Variants in SLC35F5 observed in about 807,000 individuals in gnomAD.
SLC35F5 encodes the protein HCV NS5A-transactivated protein 3.
In SLC35F5, 54 loss-of-function variants were observed where a neutral mutation model predicts 68.6. The observed-to-expected ratio is 0.79, with a 90% CI of 0.63 to 0.99. The LOEUF is 0.99. SLC35F5 is among the 50% of genes least tolerant of loss of function. The pLI, the probability that SLC35F5 is intolerant of heterozygous loss-of-function variation, is 0.00. For missense variants in SLC35F5, 567 were observed against 626.9 expected (o/e 0.90, Z 1.02); for synonymous variants, 211 against 205.2 (o/e 1.03, Z -0.24).
At chr2:113,742,630 T>C in intron 7 of SLC35F5, 62 bp downstream of exon 7, 1 of 1,502,644 alleles carries the variant, frequency 6.7e-7, no homozygotes, top group Non-Finnish European at 9.2e-7. Flanking sequence ...ATTGTTGGTA[T>C]GTATACAGTC....
At position 113,719,141 on chromosome 2, in the gene SLC35F5, G is replaced by C; in HGVS notation, c.1496+13C>G. 1 of 1,600,550 alleles carries C rather than the reference G, an allele frequency of 6.2e-7. No individual in the cohort carries two copies. The highest frequency in any genetic ancestry group is 8.5e-7 in the Non-Finnish European group (1 of 1,176,698). ...ACACTATTTTTAAAAATGTGTATTGGGACTAAACTTACCTCTGAATTCGAT... is the reference window on the plus strand; with the variant it reads ...ACACTATTTTTAAAAATGTGTATTGCGACTAAACTTACCTCTGAATTCGAT... On this transcript the variant is annotated intron_variant, in intron 14 of 15. Transcript: ENST00000245680.
At chr2:113,706,474 T>C (rs1052774021), downstream of SLC35F5, among the ~76,000 whole-genome samples, 2 of 152,120 alleles carry the variant, frequency 1.3e-5, no homozygotes, top group African/African-American at 2.4e-5. Flanking sequence ...TATTCCAATT[T>C]TGGAGGAAAA....
rs990719240 is a variant in SLC35F5 at position 113,713,392 on chromosome 2, C to A, written c.*1826G>T. On this transcript the variant is annotated 3_prime_UTR_variant, in exon 16 of 16. Coordinates refer to ENST00000245680, the MANE Select transcript of SLC35F5 (RefSeq NM_025181.5). ...AACAACCAAAAGATTCTAAGCTCAG[C>A]CTCTTTCCCTATAGTATTTACAGAA... 3 of 151,814 alleles carry A rather than the reference C, an allele frequency of 2.0e-5. No individual in the cohort carries two copies. The highest frequency in any genetic ancestry group is 4.4e-5 in the Non-Finnish European group (3 of 67,920). The allele number at this position is 151,814 out of a possible 1,614,324, so 9.4% of individuals were successfully genotyped here.
chr2:113,731,521 T>C, intron 10 of SLC35F5, 63 bp downstream of exon 10: 1 of 1,307,380 alleles, frequency 7.6e-7, no homozygotes, highest in Non-Finnish European at 1.1e-6. Context: ...TCTGTGCACA[T>C]GAGCACGCAC....
Position 113,756,629 on chromosome 2 carries a change from A to G in SLC35F5, c.-220T>C. 7.9e-7 allele frequency: 1 copy of G among 1,271,524 alleles called. No homozygotes were observed. The highest frequency in any genetic ancestry group is 1.0e-6 in the Non-Finnish European group (1 of 966,712). 78.8% of individuals were successfully genotyped at this position (1,271,524 alleles called of 1,614,324 possible). On this transcript the variant is annotated 5_prime_UTR_variant, in exon 1 of 16. Coordinates refer to ENST00000245680, the MANE Select transcript of SLC35F5 (RefSeq NM_025181.5). ...ACGGCACAGTCAGCTATGGCCGCGG[A>G]GGCCCGGAGATCTGCTCTGGCCCCG...
At chr2:113,718,160 T>C (rs114419809) in intron 14 of SLC35F5, among the ~76,000 whole-genome samples, 3,366 of 152,312 alleles carry the variant, frequency 0.022, 65 homozygotes, top group African/African-American at 0.048. Flanking sequence ...TATAGTTCAC[T>C]GCAGCTTTGA....
At chr2:113,736,462 T>C (rs892174983) in intron 7 of SLC35F5, among the ~76,000 whole-genome samples, 2 of 151,180 alleles carry the variant, frequency 1.3e-5, no homozygotes, top group African/African-American at 4.8e-5. Context: ...AAAAATCGCT[T>C]TATCTAAGTA....
In SLC35F5 at chr2:113,712,462, G is replaced by A. The variant is rs569915954; in HGVS notation, c.*2756C>T. Among the ~76,000 whole-genome samples the A allele has an allele frequency of 2.6e-5, 4 of 152,202 alleles. No homozygotes were observed. The highest frequency in any genetic ancestry group is 5.9e-5 in the Non-Finnish European group (4 of 67,996). On this transcript the variant is annotated 3_prime_UTR_variant, in exon 16 of 16. Transcript: ENST00000245680. Reference sequence around the variant, plus strand: ...CTCCCGAGCAGCTGGGACTACAGGCGCCGCCACCACGCCCGGCTAATTCTT... The same window carrying A: ...CTCCCGAGCAGCTGGGACTACAGGCACCGCCACCACGCCCGGCTAATTCTT...
In SLC35F5 at chr2:113,756,621, G is replaced by T; in HGVS notation, c.-212C>A. On this transcript the variant is annotated 5_prime_UTR_variant, in exon 1 of 16. Coordinates refer to ENST00000245680, the MANE Select transcript of SLC35F5 (RefSeq NM_025181.5). ...GGGAAGGGACGGCACAGTCAGCTAT[G>T]GCCGCGGAGGCCCGGAGATCTGCTC... 7.7e-7 allele frequency: 1 copy of T among 1,305,190 alleles called. No homozygotes were observed. The highest frequency in any genetic ancestry group is 1.0e-6 in the Non-Finnish European group (1 of 996,220). The allele number at this position is 1,305,190 out of a possible 1,614,324, so 80.9% of individuals were successfully genotyped here. A position where few individuals can be genotyped will look rare whatever the true frequency, so the allele number is the denominator to read the frequency against.
chr2:113,750,338 G>A (rs1176503539), intron 4 of SLC35F5, 87 bp downstream of exon 4: 20 of 1,241,788 alleles, frequency 1.6e-5, no homozygotes, highest in African/African-American at 4.6e-5. Context: ...AAATATGACC[G>A]TCCTTAAAGA....
At chr2:113,744,859 G>A (rs1349716680) in intron 5 of SLC35F5, among the ~76,000 whole-genome samples, 1 of 152,102 alleles carries the variant, frequency 6.6e-6, no homozygotes, top group Non-Finnish European at 1.5e-5. Flanking sequence ...TGCTCCAAAG[G>A]TCCATATTTT....
chr2:113,704,486 C>A (rs1559295203), downstream of SLC35F5, among the ~76,000 whole-genome samples: 2 of 152,200 alleles, frequency 1.3e-5, no homozygotes, highest in African/African-American at 4.8e-5. Flanking sequence ...GCTCTGGCCA[C>A]ACAGGAGCCC....
chr2:113,754,897 G>C (rs923970116), intron 3 of SLC35F5, among the ~76,000 whole-genome samples: 1 of 151,958 alleles, frequency 6.6e-6, no homozygotes, highest in Non-Finnish European at 1.5e-5. Context: ...AAAAAGCCAC[G>C]AGTTACACTT....
Position 113,731,468 on chromosome 2 carries a change from CA to C in SLC35F5, c.985+115del, listed in dbSNP as rs879159935. On this transcript the variant is annotated intron_variant, in intron 10 of 15. Coordinates refer to ENST00000245680, the MANE Select transcript of SLC35F5 (RefSeq NM_025181.5). ...TTATGTTATTTCCAAAGGAAAAGTTCAAAAAAAACCCACCCTGCTAGTGCCT... is the reference window on the plus strand; with the variant it reads ...TTATGTTATTTCCAAAGGAAAAGTTCAAAAAAACCCACCCTGCTAGTGCCT... The C allele has an allele frequency of 5.8e-4, 378 of 649,140 alleles. 3 individuals are homozygous for C. Among genetic ancestry groups the C allele is most frequent in the South Asian group, 2.7e-4 (10 of 37,308 alleles). The allele number at this position is 649,140 out of a possible 1,614,324, so 40.2% of individuals were successfully genotyped here.
At chr2:113,753,162 G>GTTTTTT (rs143010470) in intron 3 of SLC35F5, among the ~76,000 whole-genome samples, 3 of 50,546 alleles carry the variant, frequency 5.9e-5, no homozygotes, top group Admixed American at 2.4e-4. Flanking sequence ...TCCAAAGTTT[G>GTTTTTT]TTTTTCTTTT....
intron 14 of SLC35F5, 118 bp downstream of exon 14, chr2:113,719,036 T>A: frequency 1.1e-6 from 1 of 885,804 alleles, no homozygotes; most frequent in Non-Finnish European, 1.7e-6. Context: ...CCGTAACATA[T>A]AAGTTATCAT....
At position 113,708,417 on chromosome 2, in the gene SLC35F5, C is replaced by G. The variant is rs1193181899; in HGVS notation, c.*6801G>C. Among the ~76,000 whole-genome samples the G allele has an allele frequency of 6.6e-6, 1 of 152,016 alleles. No individual in the cohort carries two copies. The highest frequency in any genetic ancestry group is 2.4e-5 in the African/African-American group (1 of 41,370). Reference sequence around the variant, plus strand: ...CTAGTGACAACTTTTAAATAAAATACTGGATAGCTGGGCGCAGTGGCTCAC... The same window carrying G: ...CTAGTGACAACTTTTAAATAAAATAGTGGATAGCTGGGCGCAGTGGCTCAC... On this transcript the variant is annotated 3_prime_UTR_variant, in exon 16 of 16. Coordinates refer to ENST00000245680, the MANE Select transcript of SLC35F5 (RefSeq NM_025181.5).
In SLC35F5 at chr2:113,712,509, G is replaced by T. The variant is rs1055613506; in HGVS notation, c.*2709C>A. Among the ~76,000 whole-genome samples the T allele has an allele frequency of 1.7e-4, 26 of 151,946 alleles. No homozygotes were observed. Among genetic ancestry groups the T allele is most frequent in the Non-Finnish European group, 5.9e-5 (4 of 67,974 alleles). The stretch of plus-strand genomic sequence containing the variant: ...TCTTTGTATTTTTAGTAGAGACGGG[G>T]TTTCACTGTGTTAACCAGGATGGTC... On this transcript the variant is annotated 3_prime_UTR_variant, in exon 16 of 16. Transcript: ENST00000245680.
rs1201041726 is a variant in SLC35F5, at chr2:113,711,547, A to G, written c.*3671T>C. 2.6e-5 allele frequency among the ~76,000 whole-genome samples: 4 copies of G among 152,166 alleles called. No individual in the cohort carries two copies. Among genetic ancestry groups the G allele is most frequent in the Non-Finnish European group, 4.4e-5 (3 of 68,016 alleles). ...TGTGGTGTCTAAAAATTGCAAGTCTATGTGAAAAATCAACCTCAATTTATC... is the reference window on the plus strand; with the variant it reads ...TGTGGTGTCTAAAAATTGCAAGTCTGTGTGAAAAATCAACCTCAATTTATC... On this transcript the variant is annotated 3_prime_UTR_variant, in exon 16 of 16. Coordinates refer to ENST00000245680, the MANE Select transcript of SLC35F5 (RefSeq NM_025181.5).
Sources: gnomAD v4.1 joint callset for allele counts (sites outside exome capture counted in the v4.1 genomes callset) on GRCh38, gnomAD v4.1.1 for gene constraint, MANE v1.5 for transcripts, NCBI Gene and HGNC (gene_info 2026-07-23, HGNC 2026-07-21) for gene names.